DTD1: variants seen among roughly 807,000 people sequenced by gnomAD.
DTD1 encodes the protein D-aminoacyl-tRNA deacylase 1.
In DTD1, 13 loss-of-function variants were observed where a neutral mutation model predicts 25.6. That is an observed-to-expected ratio of 0.51 (90% confidence interval 0.33 to 0.81). The LOEUF is 0.81. Ranked by LOEUF, DTD1 falls within the 30% of genes least tolerant of loss-of-function variation. DTD1 has a pLI of 0.02. For missense variants in DTD1, 193 were observed against 266.4 expected (o/e 0.72, Z 1.92); for synonymous variants, 110 against 103.6 (o/e 1.06, Z -0.37).
intron 4 of DTD1, among the ~76,000 whole-genome samples, chr20:18,653,335 A>G (rs532213605): frequency 1.3e-5 from 2 of 152,324 alleles, no homozygotes; most frequent in Admixed American, 1.3e-4. Flanking sequence ...TTGAGGCTGC[A>G]GTGAGCCAAG....
rs777413495 is a variant in DTD1 at position 18,749,590 on chromosome 20, T to A, written c.*19+5319T>A. Among the ~76,000 whole-genome samples, 18 of 152,164 alleles carry A rather than the reference T, an allele frequency of 1.2e-4. No individual in the cohort carries two copies. The highest frequency in any genetic ancestry group is 2.5e-4 in the Non-Finnish European group (17 of 68,036). ...GAGACTTGCAGGGGTCTGTCATTAA[T>A]GACACCTGAGACTGAGTGAGATATG... On this transcript the variant is annotated intron_variant, in intron 5 of 5. Coordinates refer to ENST00000377452, the MANE Select transcript of DTD1 (RefSeq NM_080820.6). The surrounding 1 kb of genome is among the most constrained non-coding windows in gnomAD (Gnocchi z 4.2).
intron 4 of DTD1, among the ~76,000 whole-genome samples, chr20:18,681,014 G>T (rs904626896): frequency 6.6e-6 from 1 of 152,186 alleles, no homozygotes; most frequent in Non-Finnish European, 1.5e-5. Context: ...TTTTTCGCCA[G>T]TCCTTTTCTA....
chr20:18,708,253 T>TTTTATATATATA (rs1568676784), intron 4 of DTD1, among the ~76,000 whole-genome samples: 8 of 13,160 alleles, frequency 6.1e-4, no homozygotes, highest in African/African-American at 2.3e-3. Flanking sequence ...TAATATATAT[T>TTTTATATATATA]ATATATATAT....
At chr20:18,754,926 T>C (rs964089326) in intron 5 of DTD1, among the ~76,000 whole-genome samples, 2 of 152,238 alleles carry the variant, frequency 1.3e-5, no homozygotes, top group African/African-American at 4.8e-5. Flanking sequence ...ATTGATCTTA[T>C]GATTAGGCCA....
chr20:18,744,558 G>T (rs1185459165), intron 5 of DTD1, among the ~76,000 whole-genome samples: 1 of 148,054 alleles, frequency 6.8e-6, no homozygotes, highest in Non-Finnish European at 1.5e-5. Context: ...GAAGGCAAAA[G>T]GCATTTCTTA....
intron 4 of DTD1, among the ~76,000 whole-genome samples, chr20:18,633,192 C>T (rs6081265): frequency 0.51 from 77,109 of 151,882 alleles, 19,938 homozygotes; most frequent in Middle Eastern, 0.57. Context: ...AGTGACCAGG[C>T]GTCCGTGGCC....
In DTD1 at chr20:18,654,538, C is replaced by A. The variant is rs879295311; in HGVS notation, c.477+26305C>A. The stretch of plus-strand genomic sequence containing the variant: ...TTGCCATTTGTTCTTCGAAGGCCAG[C>A]TCAGTTCAGTGTAGTTGCAGGGGTT... On this transcript the variant is annotated intron_variant, in intron 4 of 5. Transcript: ENST00000377452. Among the ~76,000 whole-genome samples, 3 of 152,232 alleles carry A rather than the reference C, an allele frequency of 2.0e-5. 1 individual carries two copies. Among genetic ancestry groups the A allele is most frequent in the Admixed American group, 2.0e-4 (3 of 15,288 alleles).
intron 3 of DTD1, among the ~76,000 whole-genome samples, chr20:18,618,176 T>C (rs1296955775): frequency 6.6e-6 from 1 of 152,216 alleles, no homozygotes; most frequent in Non-Finnish European, 1.5e-5. Context: ...ACTACCATAT[T>C]TCTCCTAGCT....
chr20:18,688,132 G>A (rs950186707), intron 4 of DTD1, among the ~76,000 whole-genome samples: 2 of 152,112 alleles, frequency 1.3e-5, no homozygotes, highest in African/African-American at 4.8e-5. Context: ...CTAAAGTTAT[G>A]TCAGTATAAG....
intron 4 of DTD1, among the ~76,000 whole-genome samples, chr20:18,739,569 G>A (rs1286394923): frequency 6.6e-6 from 1 of 152,166 alleles, no homozygotes; most frequent in Non-Finnish European, 1.5e-5. Context: ...CAAGCAAACA[G>A]ACAAAAACCC....
intron 3 of DTD1, among the ~76,000 whole-genome samples, chr20:18,621,939 C>A (rs1485817640): frequency 6.6e-6 from 1 of 152,050 alleles, no homozygotes; most frequent in Non-Finnish European, 1.5e-5. Context: ...TGGTGGGCGC[C>A]TGTAGTCCCA....
chr20:18,597,128 ACT>A (rs1204889037), intron 3 of DTD1, among the ~76,000 whole-genome samples: 2 of 146,342 alleles, frequency 1.4e-5, no homozygotes, highest in Non-Finnish European at 3.0e-5. Context: ...AGTCTCATAG[ACT>A]CTCTCTTTTA....
chr20:18,614,665 A>G (rs371011713), intron 3 of DTD1, among the ~76,000 whole-genome samples: 2 of 152,202 alleles, frequency 1.3e-5, no homozygotes. Flanking sequence ...CAGCCGGGAG[A>G]GAGATTTAAG....
At chr20:18,752,350 A>C (rs2061324163) in intron 5 of DTD1, among the ~76,000 whole-genome samples, 1 of 151,910 alleles carries the variant, frequency 6.6e-6, no homozygotes, top group African/African-American at 2.4e-5. Context: ...ATTGCTCTAC[A>C]GTCTTGGATA....
At chr20:18,701,591 T>C (rs1269087210) in intron 4 of DTD1, among the ~76,000 whole-genome samples, 2 of 152,224 alleles carry the variant, frequency 1.3e-5, no homozygotes, top group African/African-American at 4.8e-5. Flanking sequence ...TCTATTGCAC[T>C]ATGTGAGCTG....
At chr20:18,683,349 C>T (rs1017490380) in intron 4 of DTD1, among the ~76,000 whole-genome samples, 7 of 152,170 alleles carry the variant, frequency 4.6e-5, no homozygotes, top group African/African-American at 1.7e-4. Context: ...AACTGCCTTT[C>T]TTATTAGAGT....
At position 18,746,983 on chromosome 20, in the gene DTD1, C is replaced by T. The variant is rs369316925; in HGVS notation, c.*19+2712C>T. On this transcript the variant is annotated intron_variant, in intron 5 of 5. Transcript: ENST00000377452. ...ATGCATGGGACACTGAAGGGTGCCTCGAAGGGAAGGGACGTCACATAAAAC... is the reference window on the plus strand; with the variant it reads ...ATGCATGGGACACTGAAGGGTGCCTTGAAGGGAAGGGACGTCACATAAAAC... 8.5e-5 allele frequency among the ~76,000 whole-genome samples: 13 copies of T among 152,190 alleles called. No homozygotes were observed. The South Asian group carries it at 2.3e-3, about 27-fold the overall frequency.
chr20:18,697,829 C>T (rs1353741666), intron 4 of DTD1, among the ~76,000 whole-genome samples: 3 of 152,204 alleles, frequency 2.0e-5, no homozygotes, highest in Non-Finnish European at 2.9e-5. Context: ...GGACTACAGG[C>T]GCCTGTCACC....
chr20:18,729,334 C>A (rs2061232868), intron 4 of DTD1, among the ~76,000 whole-genome samples: 1 of 152,210 alleles, frequency 6.6e-6, no homozygotes, highest in South Asian at 2.1e-4. Context: ...GCTAACATTT[C>A]TTTTCAGAAG....
Sources: allele counts gnomAD v4.1 joint callset (sites outside exome capture counted in the v4.1 genomes callset), GRCh38; gene constraint gnomAD v4.1.1; non-coding constraint Gnocchi (gnomAD v3.1); transcripts MANE v1.5; gene names NCBI Gene and HGNC (gene_info 2026-07-23, HGNC 2026-07-21).